Variants in ARL15 observed in about 807,000 individuals in gnomAD.
ARL15 encodes the protein ARF like GTPase 15.
A neutral mutation model predicts 25.2 loss-of-function variants in ARL15; 19 were observed. That is an observed-to-expected ratio of 0.75 (90% CI 0.53 to 1.10). The LOEUF (loss-of-function observed/expected upper bound fraction) is 1.10, where lower values mean the gene tolerates loss of function less well. Ranked by LOEUF, ARL15 falls within the 50% of genes least tolerant of loss-of-function variation. The probability of loss-of-function intolerance (pLI) is 0.00; values close to 1 mark genes in which losing one functional copy is unlikely to be tolerated. For synonymous variants in ARL15, 94 were observed against 86.8 expected, an observed-to-expected ratio of 1.08 and a Z score of -0.46; for missense variants, 220 against 246.0, an observed-to-expected ratio of 0.89 and a Z score of 0.71.
intron 4 of ARL15, among the ~76,000 whole-genome samples, chr5:54,040,442 A>C (rs552087604): frequency 6.6e-6 from 1 of 152,304 alleles, no homozygotes; most frequent in Admixed American, 6.5e-5. Context: ...AGAATACCTA[A>C]AATTTTTGCA....
At position 54,042,713 on chromosome 5, in the gene ARL15, G is replaced by A. The variant is rs186559537; in HGVS notation, c.462+70489C>T. On this transcript the variant is annotated intron_variant, in intron 4 of 4. Transcript: ENST00000504924. ...GTCGTCATAGGACAAAGCCCAATCT[G>A]TCTAAAGTGACATATTCTGGTCTAC... 3.3e-5 allele frequency among the ~76,000 whole-genome samples: 5 copies of A among 152,256 alleles called. No individual in the cohort carries two copies. In the East Asian group the frequency reaches 7.7e-4, roughly 24 times the overall value.
At position 53,900,388 on chromosome 5, in the gene ARL15, T is replaced by A. The variant is rs192680640; in HGVS notation, c.463-13675A>T. Among the ~76,000 whole-genome samples the A allele has an allele frequency of 2.9e-3, 448 of 152,290 alleles. 1 individual carries two copies. The highest frequency in any genetic ancestry group is 5.3e-3 in the Non-Finnish European group (360 of 68,020). ...TTATAACAGGCATTATAAATAATTA[T>A]TGTATAAATTAATGGGTTAGGCTAT... is the stretch of plus-strand genomic sequence containing the variant. On this transcript the variant is annotated intron_variant, in intron 4 of 4. Transcript: ENST00000504924.
chr5:54,113,377 T>C lies in ARL15; in HGVS notation c.287A>G (p.Tyr96Cys). Residue 96 changes from tyrosine (Y) to cysteine (C), a missense_variant, in exon 4 of 5, where the codon TAC (tyrosine) becomes TGC (cysteine). Tyr to Cys is a radical substitution (Grantham distance 194). Coordinates refer to ENST00000504924, the MANE Select transcript of ARL15 (RefSeq NM_019087.3). ...TATTACCCCTTGAGATCCTTGGTAGTAGCGGCTCCAGTATTTCCGGATGTT... is the reference window on the plus strand; with the variant it reads ...TATTACCCCTTGAGATCCTTGGTAGCAGCGGCTCCAGTATTTCCGGATGTT... ...ADNIRKYWSR[Y>C]YQGSQGVIFV... 1 of 1,613,982 alleles carries C rather than the reference T, an allele frequency of 6.2e-7. No homozygotes were observed. The highest frequency in any genetic ancestry group is 8.5e-7 in the Non-Finnish European group (1 of 1,179,844).
chr5:54,177,626 A>G (rs1401880988), intron 1 of ARL15, among the ~76,000 whole-genome samples: 1 of 152,198 alleles, frequency 6.6e-6, no homozygotes, highest in Non-Finnish European at 1.5e-5. Flanking sequence ...CACAATCAGT[A>G]CTTGATGAAT....
intron 2 of ARL15, among the ~76,000 whole-genome samples, chr5:54,162,231 C>T (rs1011512204): frequency 2.6e-5 from 4 of 152,224 alleles, no homozygotes; most frequent in African/African-American, 9.6e-5. Flanking sequence ...ACATCTTGCC[C>T]TCCTTTCACT....
chr5:54,235,291 A>G (rs985896436), intron 1 of ARL15, among the ~76,000 whole-genome samples: 1 of 152,228 alleles, frequency 6.6e-6, no homozygotes, highest in African/African-American at 2.4e-5. Flanking sequence ...CTCTAGGATG[A>G]CATAAGAAAA....
intron 2 of ARL15, among the ~76,000 whole-genome samples, chr5:54,155,097 G>A (rs780598167): frequency 6.6e-6 from 1 of 152,110 alleles, no homozygotes; most frequent in African/African-American, 2.4e-5. Flanking sequence ...CTCCAGCCTG[G>A]TGACACGCCG....
At chr5:54,200,327 AT>A in intron 1 of ARL15, among the ~76,000 whole-genome samples, 1 of 151,118 alleles carries the variant, frequency 6.6e-6, no homozygotes, top group South Asian at 2.1e-4. Flanking sequence ...AAAGAAAAAA[AT>A]AAATAAAAAA....
At chr5:53,994,700 G>T (rs2111680427) in intron 4 of ARL15, among the ~76,000 whole-genome samples, 1 of 152,156 alleles carries the variant, frequency 6.6e-6, no homozygotes, top group African/African-American at 2.4e-5. Flanking sequence ...TTTAAAAACT[G>T]CAACTCACAT....
intron 1 of ARL15, among the ~76,000 whole-genome samples, chr5:54,174,279 G>T (rs1201754990): frequency 1.3e-5 from 2 of 152,154 alleles, no homozygotes; most frequent in African/African-American, 4.8e-5. Context: ...TGTTCTCTGA[G>T]CCCTCCACGC....
chr5:54,306,021 T>C (rs928022142), intron 1 of ARL15, among the ~76,000 whole-genome samples: 1 of 152,184 alleles, frequency 6.6e-6, no homozygotes. Context: ...CATCAGAAGC[T>C]ACCCCCTCCC....
intron 4 of ARL15, among the ~76,000 whole-genome samples, chr5:53,966,445 C>A (rs1347410568): frequency 6.6e-6 from 1 of 152,310 alleles, no homozygotes; most frequent in South Asian, 2.1e-4. Flanking sequence ...CTGTGTGCTG[C>A]TCCAGCAAGT....
intron 1 of ARL15, among the ~76,000 whole-genome samples, chr5:54,289,949 G>A (rs1374544612): frequency 6.6e-6 from 1 of 152,132 alleles, no homozygotes; most frequent in East Asian, 1.9e-4. Flanking sequence ...GGAAGCCCCA[G>A]GGGCTGCAGT....
intron 1 of ARL15, among the ~76,000 whole-genome samples, chr5:54,265,545 A>G (rs1227848984): frequency 6.6e-6 from 1 of 152,226 alleles, no homozygotes; most frequent in Non-Finnish European, 1.5e-5. Context: ...AATGTATCAT[A>G]GTGATTCTTT....
intron 1 of ARL15, among the ~76,000 whole-genome samples, chr5:54,181,078 G>T (rs1755043139): frequency 6.6e-6 from 1 of 152,184 alleles, no homozygotes. Context: ...TGTATCTGAT[G>T]ATTAGATTTA....
chr5:53,893,640 C>A (rs1744788445), intron 4 of ARL15, among the ~76,000 whole-genome samples: 1 of 152,094 alleles, frequency 6.6e-6, no homozygotes, highest in Admixed American at 6.5e-5. Flanking sequence ...AACAAAGTCA[C>A]ATTTACCATC....
At position 54,275,496 on chromosome 5, in the gene ARL15, T is replaced by A. The variant is rs1579973956; in HGVS notation, c.48+34936A>T. Among the ~76,000 whole-genome samples the A allele has an allele frequency of 2.0e-5, 3 of 152,204 alleles. No homozygotes were observed. In the East Asian group the frequency reaches 5.8e-4, roughly 30 times the overall value. On this transcript the variant is annotated intron_variant, in intron 1 of 4. Transcript: ENST00000504924. ...AGAAGGAAACTACTTGGCCTCCACT[T>A]TCCCTTTCCCACAGAATAAACAAAC...
In ARL15 at chr5:53,950,272, T is replaced by TA. The variant is rs60444317; in HGVS notation, c.463-63560dup. ...AGTAAAACCTCGTTTCTACAAAAATTAAAAAAAAAAAAACGACTATGCTCA... is the reference window on the plus strand; with the variant it reads ...AGTAAAACCTCGTTTCTACAAAAATTAAAAAAAAAAAAAACGACTATGCTCA... On this transcript the variant is annotated intron_variant, in intron 4 of 4. Transcript: ENST00000504924. 6.8e-3 allele frequency among the ~76,000 whole-genome samples: 886 copies of TA among 130,360 alleles called. 5 individuals carry two copies. The highest frequency in any genetic ancestry group is 0.017 in the African/African-American group (633 of 36,440). The allele number at this position is 130,360 out of a possible 152,430, so 85.5% of individuals were successfully genotyped here.
At chr5:54,202,575 G>A (rs1021252524) in intron 1 of ARL15, among the ~76,000 whole-genome samples, 1 of 152,132 alleles carries the variant, frequency 6.6e-6, no homozygotes. Flanking sequence ...TTTCATCCTG[G>A]TGAGACCCAT....
Sources: allele counts gnomAD v4.1 joint callset (sites outside exome capture counted in the v4.1 genomes callset), GRCh38; gene constraint gnomAD v4.1.1; transcripts MANE v1.5; gene names NCBI Gene and HGNC (gene_info 2026-07-23, HGNC 2026-07-21).